Variants in PACC1 observed in about 807,000 individuals in gnomAD.
PACC1 encodes the protein proton-activated chloride channel.
In PACC1, 34 loss-of-function variants were observed where a neutral mutation model predicts 39.7. The observed-to-expected ratio is 0.86, with a 90% CI of 0.65 to 1.14. The LOEUF (loss-of-function observed/expected upper bound fraction) is 1.14. Among genes scored for constraint, PACC1 ranks in the 50% most tolerant of loss-of-function variants. The pLI, the probability that PACC1 is intolerant of heterozygous loss-of-function variation, is 0.00. For missense variants in PACC1, 379 were observed against 436.4 expected (o/e 0.87, Z 1.17); for synonymous variants, 127 against 160.6 (o/e 0.79, Z 1.58).
At chr1:212,365,399 C>CAGGATT (rs761267565) in intron 7 of PACC1, 23 bp from the exon 8 acceptor site, 9 of 1,534,230 alleles carry the variant, frequency 5.9e-6, no homozygotes, top group Non-Finnish European at 7.1e-6. Context: ...CAGAAACAAA[C>CAGGATT]AGGATTACTG....
chr1:212,380,971 T>TTACA (rs1660855860), intron 4 of PACC1, among the ~76,000 whole-genome samples: 1 of 152,254 alleles, frequency 6.6e-6, no homozygotes, highest in Non-Finnish European at 1.5e-5. Flanking sequence ...CATCAACTTT[T>TTACA]ATAAATAAAT....
At chr1:212,394,946 C>G (rs1035015946) in intron 2 of PACC1, among the ~76,000 whole-genome samples, 1 of 152,160 alleles carries the variant, frequency 6.6e-6, no homozygotes, top group African/African-American at 2.4e-5. Flanking sequence ...AGGACACAAA[C>G]AAATGGAAGA....
Position 212,410,092 on chromosome 1 carries a change from T to G in PACC1, c.133+333A>C. ...CTAGTATCTGAAAGAGGGGGCCTAT[T>G]AGATCTTCTTTGACCCGGATATTAG... On this transcript the variant is annotated intron_variant, in intron 2 of 7. Coordinates refer to ENST00000261455, the MANE Select transcript of PACC1 (RefSeq NM_018252.3). 1.0e-5 allele frequency: 3 copies of G among 289,354 alleles called. 1 individual carries two copies. The South Asian group carries it at 1.3e-4, about 13-fold the overall frequency. The allele number at this position is 289,354 out of a possible 1,614,324, so 17.9% of individuals were successfully genotyped here.
chr1:212,391,886 T>G (rs1214560077), intron 2 of PACC1, among the ~76,000 whole-genome samples: 2 of 151,818 alleles, frequency 1.3e-5, no homozygotes, highest in Non-Finnish European at 2.9e-5. Flanking sequence ...AAGAGAAGTT[T>G]AGAGAAAAAA....
At chr1:212,384,718 CT>C (rs1475342064) in intron 4 of PACC1, among the ~76,000 whole-genome samples, 6 of 152,226 alleles carry the variant, frequency 3.9e-5, no homozygotes, top group Admixed American at 6.5e-5. Flanking sequence ...CAGGGCGCTC[CT>C]AACCCCATCC....
Position 212,385,362 on chromosome 1 carries a change from G to A in PACC1, c.407C>T (p.Pro136Leu). ...CGGCTGGCCAGGGCTTGTCAGAGGA[G>A]GAATGACCTCGTAATGGTGCTTACA... ...LSCKHHYEVI[P>L]PLTSPGQPGD... is the part of the protein sequence containing the mutation. The change falls in exon 4 of 8, where the codon CCT becomes CTT. Residue 136 changes from proline (P) to leucine (L), a missense_variant. Coordinates refer to ENST00000261455, the MANE Select transcript of PACC1 (RefSeq NM_018252.3). 1 of 1,614,084 alleles carries A rather than the reference G, an allele frequency of 6.2e-7. No individual in the cohort carries two copies. The highest frequency in any genetic ancestry group is 1.3e-5 in the African/African-American group (1 of 75,004).
chr1:212,410,646 G>A (rs1474650063), intron 1 of PACC1, 125 bp from the exon 2 acceptor site: 13 of 841,938 alleles, frequency 1.5e-5, no homozygotes, highest in Non-Finnish European at 2.2e-5. Context: ...GACATAGAGT[G>A]TGTTACAGCA....
At chr1:212,391,520 T>G (rs1486287066) in intron 2 of PACC1, among the ~76,000 whole-genome samples, 2 of 152,166 alleles carry the variant, frequency 1.3e-5, no homozygotes, top group African/African-American at 4.8e-5. Flanking sequence ...CTGAAAATTC[T>G]AAAAATCAGA....
At chr1:212,382,275 C>G (rs1571645864) in intron 4 of PACC1, among the ~76,000 whole-genome samples, 1 of 146,424 alleles carries the variant, frequency 6.8e-6, no homozygotes, top group South Asian at 2.1e-4. Flanking sequence ...GATCTCCTGA[C>G]CTCGTGATCC....
intron 7 of PACC1, among the ~76,000 whole-genome samples, chr1:212,369,782 GAAA>G (rs1197824626): frequency 1.4e-5 from 1 of 73,906 alleles, no homozygotes; most frequent in Non-Finnish European, 2.6e-5. Context: ...CTCCATCTCA[GAAA>G]AAAAAAAAAA....
At chr1:212,413,308 C>G (rs1157267473) in intron 1 of PACC1, among the ~76,000 whole-genome samples, 1 of 152,244 alleles carries the variant, frequency 6.6e-6, no homozygotes, top group African/African-American at 2.4e-5. Context: ...TTCAAGTTGG[C>G]TTCTCCCTCC....
intron 1 of PACC1, chr1:212,414,142 G>A (rs1186489418): frequency 3.4e-6 from 5 of 1,451,918 alleles, no homozygotes; most frequent in Non-Finnish European, 4.5e-6. Context: ...GGGAGGAGGT[G>A]AGACTGGAGG....
In PACC1 at chr1:212,394,624, G is replaced by T. The variant is rs578165958; in HGVS notation, c.134-7524C>A. On this transcript the variant is annotated intron_variant, in intron 2 of 7. Transcript: ENST00000261455. The stretch of plus-strand genomic sequence containing the variant: ...GAGAAGGAAATAAAGGGTATTCAAT[G>T]AGGAAAAGAGGAAGTCAAATTGTCC... Among the ~76,000 whole-genome samples, 38 of 152,102 alleles carry T rather than the reference G, an allele frequency of 2.5e-4. 2 individuals carry two copies. Among genetic ancestry groups the T allele is most frequent in the African/African-American group, 7.7e-4 (32 of 41,510 alleles).
In PACC1 at chr1:212,375,180, C is replaced by G. The variant is rs1287370452; in HGVS notation, c.891+13G>C. The G allele has an allele frequency of 2.6e-6, 4 of 1,566,550 alleles. No homozygotes were observed. The highest frequency in any genetic ancestry group is 3.5e-6 in the Non-Finnish European group (4 of 1,137,394). On this transcript the variant is annotated intron_variant, in intron 7 of 7. Coordinates refer to ENST00000261455, the MANE Select transcript of PACC1 (RefSeq NM_018252.3). ...TAATCTTAAATAATACTATCATAAT[C>G]TTAAATACTCACATCTTGGACTTTC... is the stretch of plus-strand genomic sequence containing the variant.
In PACC1 at chr1:212,414,039, G is replaced by A. The variant is rs117462017; in HGVS notation, c.36+683C>T. The A allele has an allele frequency of 5.0e-4, 762 of 1,535,766 alleles. 7 individuals carry two copies. The East Asian group carries it at 0.015, about 29-fold the overall frequency. On this transcript the variant is annotated intron_variant, in intron 1 of 7. Transcript: ENST00000261455. The stretch of plus-strand genomic sequence containing the variant: ...GTTTCACTAATACAGCTGGAGAAGT[G>A]AGGAGGCAGGGCTTGCTTGAAGGAA...
chr1:212,413,276 C>G (rs1392947005), intron 1 of PACC1, among the ~76,000 whole-genome samples: 3 of 152,206 alleles, frequency 2.0e-5, no homozygotes, highest in Admixed American at 2.0e-4. Context: ...AAATGGCAAG[C>G]CTTAGGCAAA....
chr1:212,387,592 C>G (rs763961608), intron 2 of PACC1: 9 of 159,140 alleles, frequency 5.7e-5, no homozygotes, highest in Non-Finnish European at 9.7e-5. Flanking sequence ...CCTTCTCAAC[C>G]CGGGATTCCC....
At chr1:212,404,312 T>G (rs945913048) in intron 2 of PACC1, among the ~76,000 whole-genome samples, 8 of 151,530 alleles carry the variant, frequency 5.3e-5, no homozygotes, top group African/African-American at 1.9e-4. Context: ...TTCATCGTGT[T>G]AGCCAGGATG....
chr1:212,400,609 T>G (rs1169472790), intron 2 of PACC1, among the ~76,000 whole-genome samples: 1 of 152,156 alleles, frequency 6.6e-6, no homozygotes, highest in Non-Finnish European at 1.5e-5. Flanking sequence ...GACACCATTA[T>G]ACTTTATCAT....
Sources: gnomAD v4.1 joint callset for allele counts (sites outside exome capture counted in the v4.1 genomes callset) on GRCh38, gnomAD v4.1.1 for gene constraint, MANE v1.5 for transcripts, NCBI Gene and HGNC (gene_info 2026-07-23, HGNC 2026-07-21) for gene names.